Variants in PHACTR3 observed in about 807,000 individuals in gnomAD.
The protein encoded by PHACTR3 is phosphatase and actin regulator 3.
PHACTR3 carries 16 observed loss-of-function variants against 66.8 expected under a neutral mutation model. That is an observed-to-expected ratio of 0.24 (90% CI 0.16 to 0.36). PHACTR3 has a LOEUF of 0.36. Among genes scored for constraint, PHACTR3 ranks in the 10% least tolerant of loss-of-function variants. The probability of loss-of-function intolerance (pLI) is 1.00; values close to 1 mark genes in which losing one functional copy is unlikely to be tolerated. For missense variants in PHACTR3, 647 were observed against 719.9 expected, an observed-to-expected ratio of 0.90 and a Z score of 1.16; for synonymous variants, 323 against 292.1, an observed-to-expected ratio of 1.11 and a Z score of -1.08.
At chr20:59,605,863 G>C (rs1318690078) in intron 1 of PHACTR3, among the ~76,000 whole-genome samples, 1 of 140,472 alleles carries the variant, frequency 7.1e-6, no homozygotes, top group Non-Finnish European at 1.6e-5. Flanking sequence ...GGAGGTGGGG[G>C]GGGGGGTGGG....
At chr20:59,818,129 T>G (rs1392516100) in intron 8 of PHACTR3, among the ~76,000 whole-genome samples, 1 of 152,168 alleles carries the variant, frequency 6.6e-6, no homozygotes, top group Non-Finnish European at 1.5e-5. Flanking sequence ...ACCCTTGCTC[T>G]AAGGAAGCCG....
At chr20:59,598,111 C>T (rs1199436524) in intron 1 of PHACTR3, among the ~76,000 whole-genome samples, 1 of 152,132 alleles carries the variant, frequency 6.6e-6, no homozygotes, top group Non-Finnish European at 1.5e-5. Flanking sequence ...AGTGCAGGGG[C>T]CAGTGGGGCT....
intron 7 of PHACTR3, among the ~76,000 whole-genome samples, chr20:59,795,169 T>C (rs2041216202): frequency 6.6e-6 from 1 of 152,142 alleles, no homozygotes; most frequent in Admixed American, 6.5e-5. Flanking sequence ...CTGTATCTCA[T>C]AGGGTTTGGT....
At chr20:59,839,804 A>C (rs561384684) in intron 9 of PHACTR3, among the ~76,000 whole-genome samples, 3 of 152,230 alleles carry the variant, frequency 2.0e-5, no homozygotes, top group Non-Finnish European at 2.9e-5. Flanking sequence ...AGCGAGGTTC[A>C]TAGATGTGTT....
At chr20:59,765,919 A>G (rs2040164827) in intron 4 of PHACTR3, among the ~76,000 whole-genome samples, 1 of 152,220 alleles carries the variant, frequency 6.6e-6, no homozygotes, top group Non-Finnish European at 1.5e-5. Flanking sequence ...GGGTAGTTGT[A>G]AAAACTGAAT....
At chr20:59,785,509 G>A (rs942441333) in intron 7 of PHACTR3, among the ~76,000 whole-genome samples, 1 of 152,234 alleles carries the variant, frequency 6.6e-6, no homozygotes, top group African/African-American at 2.4e-5. Context: ...GAGCTGGGGA[G>A]TGGGGATGGT....
chr20:59,765,837 A>G (rs2040161510), intron 4 of PHACTR3, among the ~76,000 whole-genome samples: 1 of 152,214 alleles, frequency 6.6e-6, no homozygotes, highest in South Asian at 2.1e-4. Flanking sequence ...CAGTGACCCA[A>G]GGACAAGCCC....
At chr20:59,604,263 G>A (rs1283926206), upstream of PHACTR3, among the ~76,000 whole-genome samples, 1 of 152,182 alleles carries the variant, frequency 6.6e-6, no homozygotes, top group East Asian at 1.9e-4. Flanking sequence ...AGCTGCTGGG[G>A]AAATTAGGGG....
chr20:59,701,764 C>T (rs1412170117), intron 1 of PHACTR3, among the ~76,000 whole-genome samples: 1 of 152,208 alleles, frequency 6.6e-6, no homozygotes, highest in African/African-American at 2.4e-5. Context: ...AGGGCTTACA[C>T]TTGCTGTTTA....
At chr20:59,762,031 C>T (rs1343609648) in intron 4 of PHACTR3, among the ~76,000 whole-genome samples, 1 of 152,150 alleles carries the variant, frequency 6.6e-6, no homozygotes, top group Non-Finnish European at 1.5e-5. Context: ...TGGCTGCACA[C>T]TCACGTGAGA....
intron 1 of PHACTR3, chr20:59,577,745 C>A: frequency 1.7e-6 from 1 of 572,396 alleles, no homozygotes; most frequent in Non-Finnish European, 2.4e-6. Flanking sequence ...GGGAGGCCCG[C>A]TGCGCCCCCA....
At position 59,761,997 on chromosome 20, in the gene PHACTR3, T is replaced by G. The variant is rs374883750; in HGVS notation, c.542-5189T>G. 5.2e-4 allele frequency among the ~76,000 whole-genome samples: 79 copies of G among 152,354 alleles called. No individual in the cohort carries two copies. The South Asian group carries it at 0.013, about 25-fold the overall frequency. On this transcript the variant is annotated intron_variant, in intron 4 of 12. Transcript: ENST00000371015. The stretch of plus-strand genomic sequence containing the variant: ...TTAACAGATGTTGCAATTTCAGTTT[T>G]GACAAGATTCCAAAATACAACGGTG...
At chr20:59,786,636 G>C (rs1307042470) in intron 7 of PHACTR3, among the ~76,000 whole-genome samples, 12 of 152,064 alleles carry the variant, frequency 7.9e-5, no homozygotes, top group African/African-American at 2.9e-4. Context: ...ACAGGTGTCT[G>C]TGGAGCACTC....
chr20:59,747,927 A>C (rs1200603410), intron 3 of PHACTR3, 92 bp downstream of exon 3: 1 of 1,360,898 alleles, frequency 7.3e-7, no homozygotes, highest in African/African-American at 1.4e-5. Flanking sequence ...CATCAGAAAC[A>C]GTGTAGAATC....
At chr20:59,674,178 G>A (rs577613933) in intron 1 of PHACTR3, among the ~76,000 whole-genome samples, 10 of 143,558 alleles carry the variant, frequency 7.0e-5, no homozygotes, top group South Asian at 2.2e-4. Context: ...AGGGCAAGAC[G>A]TCTTCTAACA....
intron 1 of PHACTR3, among the ~76,000 whole-genome samples, chr20:59,666,781 G>C (rs1423766868): frequency 1.3e-5 from 2 of 152,228 alleles, no homozygotes; most frequent in African/African-American, 4.8e-5. Flanking sequence ...CTCCCGGAGA[G>C]GAAGGGGACA....
chr20:59,842,377 T>C (rs989815873), intron 11 of PHACTR3, among the ~76,000 whole-genome samples: 3 of 152,198 alleles, frequency 2.0e-5, no homozygotes, highest in Non-Finnish European at 4.4e-5. Context: ...TACACAGATA[T>C]TGCATCAACT....
At chr20:59,728,105 C>T (rs1040085852) in intron 1 of PHACTR3, among the ~76,000 whole-genome samples, 2 of 152,208 alleles carry the variant, frequency 1.3e-5, no homozygotes, top group African/African-American at 4.8e-5. Context: ...ATATTGGCAT[C>T]TGCCACATGT....
chr20:59,722,463 G>A (rs998805334), intron 1 of PHACTR3, among the ~76,000 whole-genome samples: 7 of 152,164 alleles, frequency 4.6e-5, no homozygotes, highest in African/African-American at 4.8e-5. Flanking sequence ...TGCAGTCAGC[G>A]TGGCTGGAAT....
Sources: gnomAD v4.1 joint callset for allele counts (sites outside exome capture counted in the v4.1 genomes callset) on GRCh38, gnomAD v4.1.1 for gene constraint, MANE v1.5 for transcripts, NCBI Gene and HGNC (gene_info 2026-07-23, HGNC 2026-07-21) for gene names.